The following CHRM3 variants were observed in gnomAD, a reference collection of about 807,000 sequenced individuals.
CHRM3 encodes cholinergic receptor muscarinic 3, also known as muscarinic acetylcholine receptor M3.
CHRM3 carries 11 observed loss-of-function variants against 41.8 expected under a neutral mutation model. The observed-to-expected ratio is 0.26, with a 90% CI of 0.17 to 0.44. The LOEUF is 0.44. CHRM3 is among the 20% of genes least tolerant of loss of function. The pLI, the probability that CHRM3 is intolerant of heterozygous loss-of-function variation, is 1.00. For missense variants in CHRM3, 571 were observed against 745.4 expected, an observed-to-expected ratio of 0.77 and a Z score of 2.72; for synonymous variants, 297 against 301.4, an observed-to-expected ratio of 0.99 and a Z score of 0.15.
chr1:239,708,739 T>TTTC (rs1661452598), intron 5 of CHRM3, among the ~76,000 whole-genome samples: 1 of 130,000 alleles, frequency 7.7e-6, no homozygotes, highest in Non-Finnish European at 1.6e-5. Flanking sequence ...AAATTTTCTT[T>TTTC]TTTTTTTTTT....
chr1:239,408,366 A>G (rs1310714214), intron 1 of CHRM3: 5 of 152,202 alleles, frequency 3.3e-5, no homozygotes, highest in Admixed American at 2.0e-4. Flanking sequence ...CTAAAAAAAT[A>G]CAAAAGAATT....
chr1:239,537,357 T>A (rs1030651610), intron 2 of CHRM3, among the ~76,000 whole-genome samples: 1 of 152,008 alleles, frequency 6.6e-6, no homozygotes, highest in Non-Finnish European at 1.5e-5. Context: ...TCAGGGAGAT[T>A]TTTCTCATGG....
chr1:239,620,851 A>G (rs1572968060), intron 3 of CHRM3, among the ~76,000 whole-genome samples: 1 of 152,164 alleles, frequency 6.6e-6, no homozygotes, highest in South Asian at 2.1e-4. Flanking sequence ...AATATATAGT[A>G]CTGTTTCGTG....
At chr1:239,569,841 C>T (rs2148529532) in intron 3 of CHRM3, among the ~76,000 whole-genome samples, 1 of 152,178 alleles carries the variant, frequency 6.6e-6, no homozygotes, top group African/African-American at 2.4e-5. Context: ...GAGGGCATCC[C>T]AGACTTTAGG....
chr1:239,877,700 T>C (rs932940378), intron 6 of CHRM3, among the ~76,000 whole-genome samples: 7 of 152,082 alleles, frequency 4.6e-5, no homozygotes, highest in Admixed American at 1.3e-4. Flanking sequence ...GGCTGCTTCA[T>C]GCTTCTTCTC....
intron 1 of CHRM3, among the ~76,000 whole-genome samples, chr1:239,421,970 T>A (rs1303449522): frequency 6.6e-6 from 1 of 152,200 alleles, no homozygotes; most frequent in East Asian, 1.9e-4. Context: ...GGCTCTCAGA[T>A]GCAATTATGC....
rs201739403 is a variant in CHRM3 at position 239,807,841 on chromosome 1, C to T, written c.-146-19411C>T. Among the ~76,000 whole-genome samples the T allele has an allele frequency of 7.1e-4, 99 of 138,510 alleles. No individual in the cohort carries two copies. The East Asian group carries it at 0.01, about 14-fold the overall frequency. 90.9% of individuals were successfully genotyped at this position (138,510 alleles called of 152,430 possible). A position where few individuals can be genotyped will look rare whatever the true frequency, so the allele number is the denominator to read the frequency against. On this transcript the variant is annotated intron_variant, in intron 5 of 6. Transcript: ENST00000676153. ...GCGCACACACACACACACACACACA[C>T]ACACATACACACACACACGCACACA...
chr1:239,902,749 T>C (rs562494473), intron 6 of CHRM3, among the ~76,000 whole-genome samples: 37 of 152,332 alleles, frequency 2.4e-4, no homozygotes, highest in African/African-American at 7.7e-4. Context: ...GCATTAGGAC[T>C]GCCATGGTTA....
At chr1:239,836,857 C>G (rs931624069) in intron 6 of CHRM3, among the ~76,000 whole-genome samples, 3 of 151,954 alleles carry the variant, frequency 2.0e-5, no homozygotes, top group Admixed American at 6.6e-5. Context: ...TGCCTGTAAT[C>G]CCAGCTACTT....
chr1:239,465,522 G>A (rs755561908), intron 1 of CHRM3, among the ~76,000 whole-genome samples: 15 of 152,158 alleles, frequency 9.9e-5, no homozygotes, highest in Non-Finnish European at 2.1e-4. Flanking sequence ...TGGATGTGGT[G>A]TTGGCAGTGG....
In CHRM3 at chr1:239,822,319, C is replaced by T. The variant is rs1672119299; in HGVS notation, c.-146-4933C>T. 2.0e-5 allele frequency among the ~76,000 whole-genome samples: 3 copies of T among 152,114 alleles called. No homozygotes were observed. In the South Asian group the frequency reaches 6.2e-4, roughly 32 times the overall value. On this transcript the variant is annotated intron_variant, in intron 5 of 6. Coordinates refer to ENST00000676153, the MANE Select transcript of CHRM3 (RefSeq NM_001375978.1). ...CTGAGATTCCTGGAGTGTCTTATAA[C>T]TTGGGTTGTGTTTCTAAAACAAGGA... is the stretch of plus-strand genomic sequence containing the variant.
At chr1:239,782,029 G>A (rs1668542346) in intron 5 of CHRM3, among the ~76,000 whole-genome samples, 1 of 151,928 alleles carries the variant, frequency 6.6e-6, no homozygotes, top group African/African-American at 2.4e-5. Context: ...ATTTTGTTGA[G>A]GACTTTTGCA....
intron 1 of CHRM3, among the ~76,000 whole-genome samples, chr1:239,425,535 T>C (rs1662301772): frequency 6.6e-6 from 1 of 152,120 alleles, no homozygotes; most frequent in Non-Finnish European, 1.5e-5. Context: ...GGCACAACAC[T>C]CATGCATTAA....
intron 1 of CHRM3, among the ~76,000 whole-genome samples, chr1:239,470,034 G>A (rs1666010373): frequency 1.3e-5 from 2 of 152,146 alleles, no homozygotes; most frequent in South Asian, 4.1e-4. Flanking sequence ...GCCCTGTAGT[G>A]AATGTGACCT....
Position 239,907,981 on chromosome 1 carries a change from G to T in CHRM3, c.530G>T (p.Arg177Leu). The T allele has an allele frequency of 6.2e-7, 1 of 1,614,108 alleles. No individual in the cohort carries two copies. Reference protein sequence around the residue: ...YFSITRPLTYRAKRTTKRAGV... With the variant: ...YFSITRPLTYLAKRTTKRAGV... The stretch of plus-strand genomic sequence containing the variant: ...TCCATCACGAGGCCGCTCACGTACC[G>T]AGCCAAACGAACAACAAAGAGAGCC... Residue 177 changes from arginine (R) to leucine (L), a missense_variant, in exon 7 of 7, where the codon CGA becomes CTA. Physicochemically the swap from Arg to Leu is moderately radical, Grantham distance 102. This residue lies in a region of CHRM3 where 153 missense variants were observed against 296.3 expected (regional missense o/e 0.52). Coordinates refer to ENST00000676153, the MANE Select transcript of CHRM3 (RefSeq NM_001375978.1). The surrounding 1 kb of genome is among the most constrained non-coding windows in gnomAD (Gnocchi z 5.4).
At chr1:239,509,043 CATCCTAACAGACATTTATTG>C (rs1196622348) in intron 2 of CHRM3, among the ~76,000 whole-genome samples, 1 of 152,142 alleles carries the variant, frequency 6.6e-6, no homozygotes, top group Non-Finnish European at 1.5e-5. Flanking sequence ...AAAATGCCTC[CATCCTAACAGACATTTATTG>C]ACTATCTTAG....
intron 5 of CHRM3, among the ~76,000 whole-genome samples, chr1:239,822,691 T>G (rs188739488): frequency 6.6e-6 from 1 of 152,330 alleles, no homozygotes; most frequent in African/African-American, 2.4e-5. Context: ...TTTAATCCCA[T>G]GTTGACTCTA....
chr1:239,609,886 G>A (rs192709658), intron 3 of CHRM3, among the ~76,000 whole-genome samples: 44 of 152,170 alleles, frequency 2.9e-4, no homozygotes, highest in Non-Finnish European at 5.0e-4. Flanking sequence ...TACAGGCCAT[G>A]TAAATATATG....
At chr1:239,573,026 T>C (rs1661975376) in intron 3 of CHRM3, among the ~76,000 whole-genome samples, 1 of 152,202 alleles carries the variant, frequency 6.6e-6, no homozygotes, top group Non-Finnish European at 1.5e-5. Flanking sequence ...CCAGGGGTTC[T>C]TGGGCATTTG....
Sources: gnomAD v4.1 joint callset for allele counts (sites outside exome capture counted in the v4.1 genomes callset) on GRCh38, gnomAD v4.1.1 for gene constraint, gnomAD v4.1.1 regional missense constraint, Gnocchi (gnomAD v3.1) non-coding constraint, MANE v1.5 for transcripts, NCBI Gene and HGNC (gene_info 2026-07-23, HGNC 2026-07-21) for gene names.